THAP4: variants seen among roughly 807,000 people sequenced by gnomAD.
THAP4 encodes THAP domain containing 4.
THAP4 carries 18 observed loss-of-function variants against 48.1 expected under a neutral mutation model. The ratio of observed to expected loss-of-function variants is 0.37; its 90% confidence interval spans 0.26 to 0.56. THAP4 has a LOEUF of 0.56. Ranked by LOEUF, THAP4 falls within the 20% of genes least tolerant of loss-of-function variation. THAP4 has a pLI of 0.78. For synonymous variants in THAP4, 345 were observed against 324.9 expected, an observed-to-expected ratio of 1.06 and a Z score of -0.66; for missense variants, 656 against 774.9, an observed-to-expected ratio of 0.85 and a Z score of 1.82.
chr2:241,595,031 G>C (rs536783537), intron 5 of THAP4, among the ~76,000 whole-genome samples: 8 of 151,796 alleles, frequency 5.3e-5, no homozygotes, highest in Non-Finnish European at 8.8e-5. Flanking sequence ...TTTCTTTTCT[G>C]ATAACAGAGT....
chr2:241,609,697 G>C (rs1383447883), intron 2 of THAP4, among the ~76,000 whole-genome samples: 3 of 151,982 alleles, frequency 2.0e-5, no homozygotes, highest in Non-Finnish European at 4.4e-5. Flanking sequence ...TGAGGTACAA[G>C]AATTGCTTGA....
chr2:241,604,362 T>C (rs980117515), intron 3 of THAP4, among the ~76,000 whole-genome samples: 2 of 152,132 alleles, frequency 1.3e-5, no homozygotes, highest in African/African-American at 4.8e-5. Context: ...GCGATTCTCC[T>C]GCCTCAGCCT....
At chr2:241,585,757 G>A (rs1337069121) in intron 5 of THAP4, among the ~76,000 whole-genome samples, 1 of 151,732 alleles carries the variant, frequency 6.6e-6, no homozygotes, top group East Asian at 1.9e-4. Context: ...CATCTAGGAG[G>A]AGAGGCGCAG....
chr2:241,589,834 C>G (rs1375022201), intron 5 of THAP4, among the ~76,000 whole-genome samples: 1 of 152,170 alleles, frequency 6.6e-6, no homozygotes, highest in African/African-American at 2.4e-5. Context: ...ACTGGTGGAC[C>G]ACCACACAGC....
At chr2:241,588,891 T>C (rs1034237917) in intron 5 of THAP4, among the ~76,000 whole-genome samples, 1 of 152,002 alleles carries the variant, frequency 6.6e-6, no homozygotes, top group African/African-American at 2.4e-5. Context: ...AAGCACTGAC[T>C]AGAGAAAAAA....
Position 241,636,164 on chromosome 2 carries a change from CTT to C in THAP4, c.77+775_77+776del, listed in dbSNP as rs537401256. Among the ~76,000 whole-genome samples the C allele has an allele frequency of 8.5e-4, 130 of 152,370 alleles. 1 individual carries two copies. Among genetic ancestry groups the C allele is most frequent in the African/African-American group, 3.0e-3 (123 of 41,584 alleles). On this transcript the variant is annotated intron_variant, in intron 1 of 5. Transcript: ENST00000407315. ...TATAATACATTGTAATGATTTAAGA[CTT>C]ACAGCAAACTACTGTGAACTTTCAA...
chr2:241,608,228 C>G (rs989105441), intron 2 of THAP4, among the ~76,000 whole-genome samples: 38 of 152,150 alleles, frequency 2.5e-4, no homozygotes, highest in Non-Finnish European at 5.3e-4. Flanking sequence ...AGTGGCCGAG[C>G]CCTGGGGCCC....
intron 2 of THAP4, among the ~76,000 whole-genome samples, chr2:241,626,360 T>TA (rs1339352774): frequency 1.3e-5 from 2 of 151,934 alleles, no homozygotes; most frequent in Non-Finnish European, 2.9e-5. Flanking sequence ...AGAATTGCTT[T>TA]AACCAGGGAG....
chr2:241,601,810 ACTAC>A lies in THAP4; in HGVS notation c.1614+82_1614+85del. On this transcript the variant is annotated intron_variant, in intron 5 of 5. Coordinates refer to ENST00000407315, the MANE Select transcript of THAP4 (RefSeq NM_015963.6). This position sits in a 1 kb window ranked among gnomAD's most constrained non-coding sequence, Gnocchi z 4.0. ...TGTGAGACACAGTGGCAAGACACGCACTACCTCACGGAAGAGGAAGAGGCTGACT... is the reference window on the plus strand; with the variant it reads ...TGTGAGACACAGTGGCAAGACACGCACTCACGGAAGAGGAAGAGGCTGACT... 6.3e-7 allele frequency: 1 copy of A among 1,577,542 alleles called. No homozygotes were observed. The highest frequency in any genetic ancestry group is 8.6e-7 in the Non-Finnish European group (1 of 1,160,808).
At chr2:241,587,447 C>T (rs964636111) in intron 5 of THAP4, among the ~76,000 whole-genome samples, 4 of 152,162 alleles carry the variant, frequency 2.6e-5, no homozygotes, top group African/African-American at 9.7e-5. Context: ...GGTTCTGAAG[C>T]CTTTGGACTT....
In THAP4 at chr2:241,637,077, G is replaced by A. The variant is rs1463475634; in HGVS notation, c.-60C>T. 4 of 1,074,428 alleles carry A rather than the reference G, an allele frequency of 3.7e-6. No individual in the cohort carries two copies. In the East Asian group the frequency reaches 2.5e-4, roughly 67 times the overall value. The allele number at this position is 1,074,428 out of a possible 1,614,324, so 66.6% of individuals were successfully genotyped here. ...GGCCCTAGCCGCCCGCCCGCCCGCG[G>A]ACCGCCCCGAGGGAGGGAGCGCGGC... On this transcript the variant is annotated 5_prime_UTR_variant, in exon 1 of 6. Coordinates refer to ENST00000407315, the MANE Select transcript of THAP4 (RefSeq NM_015963.6).
chr2:241,613,274 C>CAA (rs772453190), intron 2 of THAP4, among the ~76,000 whole-genome samples: 5 of 83,208 alleles, frequency 6.0e-5, no homozygotes, highest in South Asian at 3.7e-4. Flanking sequence ...TGTACTAAGC[C>CAA]AAAAAAAAAA....
At chr2:241,628,226 C>T (rs962711895) in intron 2 of THAP4, among the ~76,000 whole-genome samples, 7 of 149,186 alleles carry the variant, frequency 4.7e-5, no homozygotes, top group African/African-American at 1.7e-4. Context: ...GGACCCGCCT[C>T]GGCTGCCCCT....
At position 241,633,752 on chromosome 2, in the gene THAP4, C is replaced by T. The variant is rs201011278; in HGVS notation, c.405G>A (p.Pro135=). 59 of 1,612,254 alleles carry T rather than the reference C, an allele frequency of 3.7e-5. No homozygotes were observed. The East Asian group carries it at 9.1e-4, about 25-fold the overall frequency. The change falls in exon 2 of 6, where the codon CCG becomes CCA. Residue 135 remains proline, a synonymous_variant. Coordinates refer to ENST00000407315, the MANE Select transcript of THAP4 (RefSeq NM_015963.6). The surrounding 1 kb of genome is among the most constrained non-coding windows in gnomAD (Gnocchi z 7.5). ...ACCTGCGGGACTCTGGCTTGGCCAT[C>T]GGGTTTCCACTCGAGGACGGTGACC... is the stretch of plus-strand genomic sequence containing the variant. ...AGWSPSSSGN[P]MAKPESRRLK...
chr2:241,616,961 G>A lies in THAP4; in HGVS notation c.1241-10488C>T, dbSNP rs532898770. Among the ~76,000 whole-genome samples the A allele has an allele frequency of 4.6e-5, 7 of 152,238 alleles. No individual in the cohort carries two copies. The highest frequency in any genetic ancestry group is 1.4e-4 in the African/African-American group (6 of 41,534). ...ACCAGGTTAACCTGCTCCTGGGGCC[G>A]CTCCCCCTGCACCCTCCACCACTTC... On this transcript the variant is annotated intron_variant, in intron 2 of 5. Transcript: ENST00000407315. The surrounding 1 kb of genome is among the most constrained non-coding windows in gnomAD (Gnocchi z 4.6).
At chr2:241,585,162 C>T (rs1458031375) in intron 5 of THAP4, 2 of 160,522 alleles carry the variant, frequency 1.2e-5, no homozygotes, top group Admixed American at 6.1e-5. Context: ...GTAACTAGAA[C>T]TGATGTCCAG....
At chr2:241,604,058 T>C (rs2067150221) in intron 3 of THAP4, among the ~76,000 whole-genome samples, 1 of 151,860 alleles carries the variant, frequency 6.6e-6, no homozygotes, top group African/African-American at 2.4e-5. Context: ...TATGAGTTTC[T>C]ATAGGGAATC....
chr2:241,589,260 AAAC>A (rs1029269514), intron 5 of THAP4, among the ~76,000 whole-genome samples: 9 of 151,826 alleles, frequency 5.9e-5, no homozygotes, highest in East Asian at 1.9e-4. Context: ...CCACCAAAAA[AAAC>A]AACATTTGGT....
Position 241,608,798 on chromosome 2 carries a change from T to C in THAP4, c.1241-2325A>G, listed in dbSNP as rs187771043. On this transcript the variant is annotated intron_variant, in intron 2 of 5. Coordinates refer to ENST00000407315, the MANE Select transcript of THAP4 (RefSeq NM_015963.6). ...TGAGGCAGAAAGGGAGACAGGGCTG[T>C]TGGGGCACTGTGAAAACCTACCCAA... Among the ~76,000 whole-genome samples, 691 of 152,308 alleles carry C rather than the reference T, an allele frequency of 4.5e-3. 2 individuals are homozygous for C. The highest frequency in any genetic ancestry group is 0.016 in the African/African-American group (651 of 41,572).
Sources: gnomAD v4.1 joint callset for allele counts (sites outside exome capture counted in the v4.1 genomes callset) on GRCh38, gnomAD v4.1.1 for gene constraint, Gnocchi (gnomAD v3.1) non-coding constraint, MANE v1.5 for transcripts, NCBI Gene and HGNC (gene_info 2026-07-23, HGNC 2026-07-21) for gene names.